Variants in LRRC28 observed in about 807,000 individuals in gnomAD.
LRRC28 encodes leucine rich repeat containing 28.
A neutral mutation model predicts 45.7 loss-of-function variants in LRRC28; 39 were observed. The ratio of observed to expected loss-of-function variants is 0.85; its 90% CI spans 0.66 to 1.12. The LOEUF (loss-of-function observed/expected upper bound fraction) is 1.12. Ranked by LOEUF, LRRC28 falls within the 50% of genes most tolerant of loss-of-function variation. The pLI is 0.00. For synonymous variants in LRRC28, 206 were observed against 178.8 expected, an observed-to-expected ratio of 1.15 and a Z score of -1.22; for missense variants, 435 against 438.5, an observed-to-expected ratio of 0.99 and a Z score of 0.07.
intron 9 of LRRC28, among the ~76,000 whole-genome samples, chr15:99,369,038 C>G (rs1007123010): frequency 3.7e-4 from 57 of 152,298 alleles, no homozygotes; most frequent in African/African-American, 1.3e-3. Context: ...AAGTCCTTTG[C>G]TACTTTATAA....
intron 7 of LRRC28, among the ~76,000 whole-genome samples, chr15:99,353,365 A>G (rs1213118015): frequency 1.3e-5 from 2 of 152,214 alleles, no homozygotes; most frequent in South Asian, 2.1e-4. Flanking sequence ...GAAGACAGCC[A>G]TTCCCCCCGT....
chr15:99,335,487 G>A (rs1956291753), intron 6 of LRRC28, among the ~76,000 whole-genome samples: 1 of 152,150 alleles, frequency 6.6e-6, no homozygotes, highest in Admixed American at 6.5e-5. Flanking sequence ...TACCATATCT[G>A]ACTTAAAAAA....
intron 9 of LRRC28, among the ~76,000 whole-genome samples, chr15:99,375,049 T>C (rs1175876737): frequency 6.6e-6 from 1 of 152,154 alleles, no homozygotes; most frequent in Admixed American, 6.5e-5. Context: ...ACATATAATG[T>C]GTTAAGTGTA....
intron 9 of LRRC28, among the ~76,000 whole-genome samples, chr15:99,381,817 G>C (rs976227539): frequency 7.9e-5 from 12 of 152,234 alleles, no homozygotes; most frequent in African/African-American, 2.9e-4. Context: ...GTTTGCCTGG[G>C]TATCAGCAGC....
Position 99,258,432 on chromosome 15 carries a change from T to G in LRRC28, c.168+2307T>G, listed in dbSNP as rs200483270. On this transcript the variant is annotated intron_variant, in intron 2 of 9. Transcript: ENST00000301981. ...ACAATTAAAAATCTCATCAAAAATATTCACAGTTCATAAACTTTCCTATTT... is the reference window on the plus strand; with the variant it reads ...ACAATTAAAAATCTCATCAAAAATAGTCACAGTTCATAAACTTTCCTATTT... The G allele has an allele frequency of 1.8e-4, 160 of 901,228 alleles. 1 individual carries two copies. Among genetic ancestry groups the G allele is most frequent in the East Asian group, 1.7e-3 (69 of 41,696 alleles). The allele number at this position is 901,228 out of a possible 1,614,324, so 55.8% of individuals were successfully genotyped here.
chr15:99,272,349 A>G (rs867326574), intron 2 of LRRC28, among the ~76,000 whole-genome samples: 9 of 152,280 alleles, frequency 5.9e-5, no homozygotes, highest in Middle Eastern at 6.8e-3. Flanking sequence ...TTTGCACTCA[A>G]TCTTGTCAAG....
intron 7 of LRRC28, among the ~76,000 whole-genome samples, chr15:99,354,211 C>T (rs1020091498): frequency 1.3e-5 from 2 of 152,134 alleles, no homozygotes; most frequent in Non-Finnish European, 2.9e-5. Flanking sequence ...CAGCTCTGGC[C>T]ACTGTATTCC....
chr15:99,347,701 A>G (rs183367401), intron 6 of LRRC28, among the ~76,000 whole-genome samples: 36 of 152,254 alleles, frequency 2.4e-4, no homozygotes, highest in African/African-American at 8.7e-4. Context: ...CATTGTTTCC[A>G]TATCTTGGAT....
intron 7 of LRRC28, among the ~76,000 whole-genome samples, chr15:99,357,969 A>G (rs1957092504): frequency 6.6e-6 from 1 of 152,100 alleles, no homozygotes. Context: ...AATAAGATGG[A>G]AAAAAAGGAA....
chr15:99,385,994 C>G (rs760904725), intron 9 of LRRC28, 36 bp from the exon 10 acceptor site: 150 of 1,584,006 alleles, frequency 9.5e-5, no homozygotes, highest in Non-Finnish European at 1.2e-4. Flanking sequence ...TAATCTTGAA[C>G]TCACAGCGTT....
chr15:99,261,648 CTTAATT>C (rs924802449), intron 2 of LRRC28, among the ~76,000 whole-genome samples: 7 of 151,542 alleles, frequency 4.6e-5, no homozygotes, highest in African/African-American at 1.2e-4. Flanking sequence ...TAATTTTAAT[CTTAATT>C]TTAATTTTAA....
At position 99,347,763 on chromosome 15, in the gene LRRC28, G is replaced by A. The variant is rs192144938; in HGVS notation, c.593-4606G>A. 1.3e-3 allele frequency among the ~76,000 whole-genome samples: 200 copies of A among 152,244 alleles called. 1 individual carries two copies. Among genetic ancestry groups the A allele is most frequent in the Middle Eastern group, 6.8e-3 (2 of 294 alleles). On this transcript the variant is annotated intron_variant, in intron 6 of 9. Transcript: ENST00000301981. ...GGGAGTGCAGATGTCTTTATGAGGCGATGACTGTGTATCTCCTTTAGATAT... is the reference window on the plus strand; with the variant it reads ...GGGAGTGCAGATGTCTTTATGAGGCAATGACTGTGTATCTCCTTTAGATAT...
chr15:99,360,976 T>C (rs1957183579), intron 7 of LRRC28: 1 of 159,388 alleles, frequency 6.3e-6, no homozygotes, highest in African/African-American at 2.4e-5. Context: ...TCTTTTTTTT[T>C]CTTTTAATTT....
intron 9 of LRRC28, 42 bp from the exon 10 acceptor site, chr15:99,385,988 C>T (rs773357847): frequency 6.4e-7 from 1 of 1,568,874 alleles, no homozygotes; most frequent in Non-Finnish European, 8.8e-7. Flanking sequence ...AGACTTTAAT[C>T]TTGAACTCAC....
intron 6 of LRRC28, among the ~76,000 whole-genome samples, chr15:99,337,088 G>T (rs6598237): frequency 0.4 from 61,224 of 152,072 alleles, 12,828 homozygotes; most frequent in African/African-American, 0.54. Context: ...GCTGCAGCTG[G>T]TTTCTGTGCC....
At chr15:99,254,866 T>G (rs2080969013) in intron 1 of LRRC28, among the ~76,000 whole-genome samples, 1 of 152,198 alleles carries the variant, frequency 6.6e-6, no homozygotes, top group African/African-American at 2.4e-5. Flanking sequence ...GACTCAGGCC[T>G]TTAAACCAGT....
intron 5 of LRRC28, among the ~76,000 whole-genome samples, chr15:99,306,902 G>A (rs939711450): frequency 6.6e-6 from 1 of 152,206 alleles, no homozygotes; most frequent in Non-Finnish European, 1.5e-5. Flanking sequence ...GGTGCGTCTT[G>A]TCTGGCACAT....
chr15:99,318,727 T>A (rs1366240596), intron 5 of LRRC28, among the ~76,000 whole-genome samples: 1 of 152,064 alleles, frequency 6.6e-6, no homozygotes, highest in Non-Finnish European at 1.5e-5. Context: ...TATTGTTTCT[T>A]ACAAAGGCTA....
chr15:99,345,724 T>A (rs1956658808), intron 6 of LRRC28, among the ~76,000 whole-genome samples: 1 of 152,372 alleles, frequency 6.6e-6, no homozygotes, highest in East Asian at 1.9e-4. Context: ...GTTAACAGTA[T>A]GCAATATTTT....
Sources: allele counts gnomAD v4.1 joint callset (sites outside exome capture counted in the v4.1 genomes callset), GRCh38; gene constraint gnomAD v4.1.1; transcripts MANE v1.5; gene names NCBI Gene and HGNC (gene_info 2026-07-23, HGNC 2026-07-21).